Variants in TRPM3 observed in about 807,000 individuals in gnomAD.
The protein encoded by TRPM3 is transient receptor potential cation channel subfamily M member 3, also known as long transient receptor potential channel 3.
A neutral mutation model predicts 181.2 loss-of-function variants in TRPM3; 77 were observed. That is an observed-to-expected ratio of 0.42 (90% confidence interval 0.35 to 0.51). The LOEUF is 0.51. Ranked by LOEUF, TRPM3 falls within the 20% of genes least tolerant of loss-of-function variation. TRPM3 has a pLI of 0.01. For missense variants in TRPM3, 1,759 were observed against 2,196.7 expected, an observed-to-expected ratio of 0.80 and a Z score of 3.98; for synonymous variants, 745 against 796.4, an observed-to-expected ratio of 0.94 and a Z score of 1.09.
intron 1 of TRPM3, among the ~76,000 whole-genome samples, chr9:71,036,414 C>A (rs182345133): frequency 1.6e-4 from 24 of 152,284 alleles, no homozygotes; most frequent in Admixed American, 3.9e-4. Flanking sequence ...TGGTTTTTAG[C>A]AAGCACATAT....
intron 14 of TRPM3, among the ~76,000 whole-genome samples, chr9:70,622,319 G>C (rs1008229101): frequency 3.3e-5 from 5 of 152,228 alleles, no homozygotes; most frequent in African/African-American, 1.2e-4. Flanking sequence ...AGCCTGAATA[G>C]ACGAAGACAA....
intron 1 of TRPM3, among the ~76,000 whole-genome samples, chr9:71,195,233 G>A (rs2078273871): frequency 6.6e-6 from 1 of 152,020 alleles, no homozygotes. Context: ...CCTACAGAAT[G>A]GGAGAACATT....
chr9:71,426,973 T>A (rs752444635), intron 1 of TRPM3, among the ~76,000 whole-genome samples: 55 of 152,196 alleles, frequency 3.6e-4, no homozygotes, highest in Non-Finnish European at 5.7e-4. Context: ...CTCTTTCTAA[T>A]CCCATGAAAC....
At chr9:71,258,842 T>C (rs2082844276) in intron 1 of TRPM3, among the ~76,000 whole-genome samples, 1 of 152,310 alleles carries the variant, frequency 6.6e-6, no homozygotes, top group South Asian at 2.1e-4. Flanking sequence ...ACTAATTATT[T>C]TGGGTATCAT....
chr9:71,387,238 C>A (rs1436124136), intron 1 of TRPM3, among the ~76,000 whole-genome samples: 2 of 152,132 alleles, frequency 1.3e-5, no homozygotes, highest in Non-Finnish European at 2.9e-5. Flanking sequence ...GCCTCAGGAA[C>A]CACTGCATTG....
rs772968343 is a variant in TRPM3, at chr9:70,536,351, C to T, written c.4762G>A (p.Val1588Met). 3.7e-6 allele frequency: 6 copies of T among 1,614,100 alleles called. No homozygotes were observed. Among genetic ancestry groups the T allele is most frequent in the Non-Finnish European group, 5.1e-6 (6 of 1,180,002 alleles). ...GGATGGCAGCAAGTTAAGTCCTCCA[C>T]TTTGTCTCCAAGACCTCCAGGGAAG... The part of the protein sequence containing the change: ...AAFPGGLGDK[V>M]EDLTCCHPER... The change falls in exon 26 of 26, where the codon GTG becomes ATG. Residue 1588 changes from valine (V) to methionine (M), a missense_variant. By Grantham distance (21) the Val-to-Met change is conservative. Coordinates refer to ENST00000677713, the MANE Select transcript of TRPM3 (RefSeq NM_001366145.2).
rs1565414200 is a variant in TRPM3, at chr9:71,279,046, AAAAT to A, written c.183+167603_183+167606del. Among the ~76,000 whole-genome samples the A allele has an allele frequency of 2.3e-4, 29 of 126,870 alleles. 1 individual carries two copies. The highest frequency in any genetic ancestry group is 1.0e-3 in the African/African-American group (27 of 25,942). The allele number at this position is 126,870 out of a possible 152,430, so 83.2% of individuals were successfully genotyped here. ...TATCCTGCTTAGGTTAAAAAAAATA[AAAAT>A]AAAAATAAAAATAAAAAAACCACCA... is the stretch of plus-strand genomic sequence containing the variant. On this transcript the variant is annotated intron_variant, in intron 1 of 24. Coordinates refer to the TRPM3 transcript ENST00000357533.
In TRPM3 at chr9:71,302,095, T is replaced by C. The variant is rs577884854; in HGVS notation, c.183+144558A>G. On this transcript the variant is annotated intron_variant, in intron 1 of 24. Coordinates refer to the TRPM3 transcript ENST00000357533. The stretch of plus-strand genomic sequence containing the variant: ...TCTACATAAAACAAAAAATCATGTA[T>C]AATTTAGTGTCGCAAATCAACACCT... Among the ~76,000 whole-genome samples, 18 of 152,246 alleles carry C rather than the reference T, an allele frequency of 1.2e-4. No individual in the cohort carries two copies. In the East Asian group the frequency reaches 2.5e-3, roughly 21 times the overall value.
intron 25 of TRPM3, among the ~76,000 whole-genome samples, chr9:70,545,350 G>A (rs1171308655): frequency 1.3e-5 from 2 of 152,076 alleles, no homozygotes; most frequent in Middle Eastern, 3.2e-3. Context: ...TAGGCACCAC[G>A]TTTAAAAGAT....
chr9:71,122,536 C>T (rs1015603184), upstream of TRPM3, among the ~76,000 whole-genome samples: 7 of 152,196 alleles, frequency 4.6e-5, no homozygotes, highest in African/African-American at 1.7e-4. Flanking sequence ...ATTTTTTCCT[C>T]TGTGACCATG....
At chr9:71,012,690 TA>T (rs924361900) in intron 1 of TRPM3, among the ~76,000 whole-genome samples, 2 of 151,964 alleles carry the variant, frequency 1.3e-5, no homozygotes, top group African/African-American at 4.8e-5. Context: ...TTATTCCTTT[TA>T]ATTCCTTTTG....
intron 6 of TRPM3, among the ~76,000 whole-genome samples, chr9:70,798,133 C>T (rs2087749890): frequency 6.6e-6 from 1 of 152,208 alleles, no homozygotes; most frequent in Non-Finnish European, 1.5e-5. Flanking sequence ...TGGCTCACTG[C>T]CGCCTCGACT....
At chr9:70,740,668 A>G (rs553525007) in intron 8 of TRPM3, among the ~76,000 whole-genome samples, 1 of 152,310 alleles carries the variant, frequency 6.6e-6, no homozygotes, top group African/African-American at 2.4e-5. Context: ...ACCCAGAAAT[A>G]AAGCCAATTG....
intron 1 of TRPM3, among the ~76,000 whole-genome samples, chr9:71,090,685 A>T (rs1205857066): frequency 6.6e-6 from 1 of 152,152 alleles, no homozygotes; most frequent in Non-Finnish European, 1.5e-5. Flanking sequence ...CTCAAACTGC[A>T]CTTAAGTTCA....
At chr9:70,654,142 C>T (rs983046998) in intron 9 of TRPM3, among the ~76,000 whole-genome samples, 1 of 151,864 alleles carries the variant, frequency 6.6e-6, no homozygotes, top group African/African-American at 2.4e-5. Flanking sequence ...TATTCTAAAG[C>T]ATCTTCTCTA....
chr9:70,748,989 A>T (rs1203187638), intron 8 of TRPM3, among the ~76,000 whole-genome samples: 1 of 151,994 alleles, frequency 6.6e-6, no homozygotes, highest in South Asian at 2.1e-4. Context: ...GGCTTAAGAG[A>T]TTTAGCTAGA....
intron 1 of TRPM3, among the ~76,000 whole-genome samples, chr9:71,025,815 G>A (rs978910837): frequency 2.0e-5 from 3 of 152,178 alleles, no homozygotes; most frequent in African/African-American, 7.2e-5. Flanking sequence ...ATCTCCCACT[G>A]AGGGAACAGG....
chr9:71,175,735 G>A (rs1473223192), intron 1 of TRPM3, among the ~76,000 whole-genome samples: 1 of 152,150 alleles, frequency 6.6e-6, no homozygotes, highest in Non-Finnish European at 1.5e-5. Flanking sequence ...AATGAGAAAG[G>A]ACATGGATAG....
chr9:71,365,579 T>C (rs1408822923), intron 1 of TRPM3, among the ~76,000 whole-genome samples: 1 of 152,132 alleles, frequency 6.6e-6, no homozygotes, highest in Admixed American at 6.5e-5. Flanking sequence ...AAAAAAACTG[T>C]CCCTTGAATA....
Sources: allele counts gnomAD v4.1 joint callset (sites outside exome capture counted in the v4.1 genomes callset), GRCh38; gene constraint gnomAD v4.1.1; transcripts MANE v1.5; gene names NCBI Gene and HGNC (gene_info 2026-07-23, HGNC 2026-07-21).